The following THSD7A variants were observed in gnomAD, a reference collection of about 807,000 sequenced individuals.
THSD7A encodes thrombospondin type 1 domain containing 7A, also known as thrombospondin type-1 domain-containing protein 7A.
THSD7A carries 96 observed loss-of-function variants against 231.3 expected under a neutral mutation model. That is an observed-to-expected ratio of 0.41 (90% CI 0.35 to 0.49). The LOEUF is 0.49. Ranked by LOEUF, THSD7A falls within the 20% of genes least tolerant of loss-of-function variation. THSD7A has a pLI of 0.05. For synonymous variants in THSD7A, 940 were observed against 743.3 expected, an observed-to-expected ratio of 1.26 and a Z score of -4.30; for missense variants, 2,290 against 2,070.2, an observed-to-expected ratio of 1.11 and a Z score of -2.06.
chr7:11,788,373 G>C (rs918806753), intron 1 of THSD7A, among the ~76,000 whole-genome samples: 2 of 151,912 alleles, frequency 1.3e-5, no homozygotes, highest in Non-Finnish European at 2.9e-5. Flanking sequence ...TTCTTCTATA[G>C]TCTTGCCCAA....
At chr7:11,516,719 G>T (rs1016135148) in intron 6 of THSD7A, among the ~76,000 whole-genome samples, 1 of 152,276 alleles carries the variant, frequency 6.6e-6, no homozygotes, top group South Asian at 2.1e-4. Flanking sequence ...AATTTAAATT[G>T]CATTTTAAAG....
chr7:11,608,690 A>T (rs11979880), intron 2 of THSD7A, among the ~76,000 whole-genome samples: 4,115 of 152,266 alleles, frequency 0.027, 184 homozygotes, highest in African/African-American at 0.092. Context: ...TGCTCCTGTT[A>T]TTCAAATTCC....
chr7:11,742,263 G>A (rs1470657026), intron 1 of THSD7A, among the ~76,000 whole-genome samples: 1 of 151,776 alleles, frequency 6.6e-6, no homozygotes, highest in Non-Finnish European at 1.5e-5. Context: ...TGACAATTAG[G>A]GTGAGAGAAA....
At chr7:11,593,209 C>T in intron 3 of THSD7A, 45 bp downstream of exon 3, 1 of 1,597,516 alleles carries the variant, frequency 6.3e-7, no homozygotes, top group Admixed American at 1.7e-5. Flanking sequence ...AATAGCTGAG[C>T]AAATGTAGTT....
intron 1 of THSD7A, among the ~76,000 whole-genome samples, chr7:11,727,457 G>C (rs988952278): frequency 4.6e-5 from 7 of 151,752 alleles, no homozygotes; most frequent in African/African-American, 1.7e-4. Context: ...GATCCAGTGG[G>C]GAATAAGTTA....
Position 11,382,653 on chromosome 7 carries a change from G to T in THSD7A, c.4412-37C>A, listed in dbSNP as rs770196369. On this transcript the variant is annotated intron_variant, in intron 23 of 27. Transcript: ENST00000423059. Reference sequence around the variant, plus strand: ...TAATAAACATTAGCAGAAGCATTCTGTTACCCAGAAGGACAATCATGGGGA... The same window carrying T: ...TAATAAACATTAGCAGAAGCATTCTTTTACCCAGAAGGACAATCATGGGGA... 17 of 1,506,868 alleles carry T rather than the reference G, an allele frequency of 1.1e-5. No individual in the cohort carries two copies. In the East Asian group the frequency reaches 3.6e-4, roughly 32 times the overall value. 93.3% of individuals were successfully genotyped at this position (1,506,868 alleles called of 1,614,324 possible).
chr7:11,554,927 T>G (rs1421662462), intron 4 of THSD7A, among the ~76,000 whole-genome samples: 1 of 151,972 alleles, frequency 6.6e-6, no homozygotes, highest in Non-Finnish European at 1.5e-5. Flanking sequence ...ATCCTTTTGA[T>G]GTCTGTAAAG....
At chr7:11,470,541 T>C (rs1345371559) in intron 8 of THSD7A, among the ~76,000 whole-genome samples, 1 of 151,770 alleles carries the variant, frequency 6.6e-6, no homozygotes, top group Admixed American at 6.6e-5. Flanking sequence ...TAATAATAAT[T>C]AAGATAATAA....
chr7:11,583,901 T>C (rs1248109211), intron 4 of THSD7A, among the ~76,000 whole-genome samples: 1 of 152,166 alleles, frequency 6.6e-6, no homozygotes, highest in Admixed American at 6.5e-5. Flanking sequence ...AGACCCATAA[T>C]TGGAATTCTT....
At chr7:11,445,069 T>C (rs760849013) in intron 13 of THSD7A, among the ~76,000 whole-genome samples, 1 of 151,782 alleles carries the variant, frequency 6.6e-6, no homozygotes, top group Non-Finnish European at 1.5e-5. Context: ...ATTAGCATTG[T>C]TTTCTGAACC....
intron 1 of THSD7A, among the ~76,000 whole-genome samples, chr7:11,733,971 C>T (rs192853817): frequency 2.3e-4 from 35 of 151,730 alleles, no homozygotes; most frequent in African/African-American, 8.5e-4. Flanking sequence ...GACCCTTTTC[C>T]TTTTCACCTT....
At chr7:11,645,765 T>A (rs1212825842) in intron 1 of THSD7A, among the ~76,000 whole-genome samples, 2 of 151,850 alleles carry the variant, frequency 1.3e-5, no homozygotes, top group African/African-American at 4.8e-5. Context: ...ATGATCTCAT[T>A]TGATCTTTAC....
chr7:11,819,426 T>C (rs1270059405), intron 1 of THSD7A, among the ~76,000 whole-genome samples: 1 of 152,160 alleles, frequency 6.6e-6, no homozygotes, highest in Non-Finnish European at 1.5e-5. Flanking sequence ...TGCCTTTAAA[T>C]AGGTAAGTGA....
At chr7:11,794,293 G>C (rs1034001493) in intron 1 of THSD7A, among the ~76,000 whole-genome samples, 1 of 151,920 alleles carries the variant, frequency 6.6e-6, no homozygotes, top group African/African-American at 2.4e-5. Context: ...AAAAATTTGA[G>C]TCAGCACTTC....
intron 6 of THSD7A, among the ~76,000 whole-genome samples, chr7:11,528,457 G>C (rs1788567810): frequency 2.0e-5 from 3 of 152,088 alleles, no homozygotes; most frequent in African/African-American, 4.8e-5. Flanking sequence ...ATCCATCCCA[G>C]CAAGCCTCAA....
chr7:11,793,695 T>C (rs1301807938), intron 1 of THSD7A, among the ~76,000 whole-genome samples: 3 of 151,880 alleles, frequency 2.0e-5, no homozygotes, highest in Non-Finnish European at 2.9e-5. Flanking sequence ...TGGTATACTA[T>C]ATTTTTCAAT....
At chr7:11,421,308 A>T (rs191758404) in intron 16 of THSD7A, among the ~76,000 whole-genome samples, 1 of 152,014 alleles carries the variant, frequency 6.6e-6, no homozygotes, top group African/African-American at 2.4e-5. Flanking sequence ...TTCTCATGAG[A>T]TCTGGTTGTT....
At chr7:11,727,897 A>C (rs1781601938) in intron 1 of THSD7A, among the ~76,000 whole-genome samples, 1 of 151,968 alleles carries the variant, frequency 6.6e-6, no homozygotes, top group Non-Finnish European at 1.5e-5. Flanking sequence ...GGTCCTTAAA[A>C]TAAACTTGAT....
At chr7:11,798,395 T>C (rs1360941494) in intron 1 of THSD7A, among the ~76,000 whole-genome samples, 2 of 151,132 alleles carry the variant, frequency 1.3e-5, no homozygotes, top group Non-Finnish European at 2.9e-5. Context: ...TGCTTGAACA[T>C]GGGGAGCGTA....
Sources: allele counts gnomAD v4.1 joint callset (sites outside exome capture counted in the v4.1 genomes callset), GRCh38; gene constraint gnomAD v4.1.1; transcripts MANE v1.5; gene names NCBI Gene and HGNC (gene_info 2026-07-23, HGNC 2026-07-21).